The following OLFML3 variants were observed in gnomAD, a reference collection of about 807,000 sequenced individuals.
OLFML3 encodes the protein olfactomedin-like protein 3.
In OLFML3, 26 loss-of-function variants were observed where a neutral mutation model predicts 36.0. The observed-to-expected ratio is 0.72, with a 90% CI of 0.53 to 1.00. The LOEUF is 1.00. Among genes scored for constraint, OLFML3 ranks in the 50% least tolerant of loss-of-function variants. OLFML3 has a pLI of 0.00. For missense variants in OLFML3, 503 were observed against 519.4 expected, an observed-to-expected ratio of 0.97 and a Z score of 0.31; for synonymous variants, 184 against 201.2, an observed-to-expected ratio of 0.91 and a Z score of 0.72.
chr1:113,981,733 T>C lies in OLFML3; in HGVS notation c.1185T>C (p.Tyr395=). 6.2e-7 allele frequency: 1 copy of C among 1,613,850 alleles called. No homozygotes were observed. Among genetic ancestry groups the C allele is most frequent in the Non-Finnish European group, 8.5e-7 (1 of 1,179,954 alleles). Residue 395 remains tyrosine (Y), a synonymous_variant, in exon 3 of 3, where the codon TAT becomes TAC. Transcript: ENST00000320334. The part of the protein sequence containing the change: ...YAWDDGYQIV[Y]KLEMRKKEEE... ...GGGATGATGGCTACCAGATTGTCTA[T>C]AAGCTGGAGATGAGGAAGAAAGAGG...
In OLFML3 at chr1:113,982,079, A is replaced by G. The variant is rs1466246685; in HGVS notation, c.*310A>G. The G allele has an allele frequency of 5.1e-6, 2 of 392,502 alleles. No homozygotes were observed. Among genetic ancestry groups the G allele is most frequent in the Non-Finnish European group, 9.5e-6 (2 of 211,410 alleles). 24.3% of individuals were successfully genotyped at this position (392,502 alleles called of 1,614,324 possible). ...TCTAACCTTGTATGCGGGCAGGCCC[A>G]GGGAGCAGGCAGCAGTGTTCTTCCC... On this transcript the variant is annotated 3_prime_UTR_variant, in exon 3 of 3. Transcript: ENST00000320334.
rs376037375 is a variant in OLFML3, at chr1:113,980,458, G to A, written c.241G>A (p.Asp81Asn). The A allele has an allele frequency of 5.0e-6, 8 of 1,613,882 alleles. No homozygotes were observed. Among genetic ancestry groups the A allele is most frequent in the Admixed American group, 1.7e-5 (1 of 59,962 alleles). ...KEREALRTEA[D>N]TISGRVDRLE... ...GCGGGAGGCACTCAGAACTGAGGCC[G>A]ACACCATCTCCGGGAGAGTGGATCG... The change falls in exon 2 of 3, where the codon GAC becomes AAC. Residue 81 changes from aspartate to asparagine, a missense_variant. By Grantham distance (23) the Asp-to-Asn change is conservative. Coordinates refer to ENST00000320334, the MANE Select transcript of OLFML3 (RefSeq NM_020190.5).
At position 113,980,321 on chromosome 1, in the gene OLFML3, C is replaced by A. The variant is rs756492142; in HGVS notation, c.115-11C>A. On this transcript the variant is annotated splice_polypyrimidine_tract_variant and intron_variant, in intron 1 of 2. Transcript: ENST00000320334. ...CCCTGCAGCCTCCCTCCTGATCCCC[C>A]ATCCCTTCAGGAACGGCTGGCCCAG... is the stretch of plus-strand genomic sequence containing the variant. 6.5e-7 allele frequency: 1 copy of A among 1,539,634 alleles called. No homozygotes were observed. Among genetic ancestry groups the A allele is most frequent in the East Asian group, 2.3e-5 (1 of 44,180 alleles).
intron 1 of OLFML3, chr1:113,979,955 A>C: frequency 7.0e-7 from 1 of 1,431,170 alleles, no homozygotes; most frequent in Non-Finnish European, 9.2e-7. Flanking sequence ...GGAATCTATA[A>C]CTTCCTGTCT....
At chr1:113,979,975 G>A in intron 1 of OLFML3, 2 of 1,450,276 alleles carry the variant, frequency 1.4e-6, no homozygotes, top group East Asian at 2.5e-5. Flanking sequence ...TTTTTAACAG[G>A]TTGAGATCCG....
chr1:113,981,430 G>C lies in OLFML3; in HGVS notation c.882G>C (p.Arg294Ser). 6.2e-7 allele frequency: 1 copy of C among 1,613,208 alleles called. No homozygotes were observed. ...WAVYATREDDRHLCLAKLDPQ... is the reference protein window; with the variant it reads ...WAVYATREDDSHLCLAKLDPQ... ...TCTATGCCACCCGGGAGGATGACAG[G>C]CACTTGTGTCTGGCCAAGTTAGATC... Residue 294 changes from arginine to serine, a missense_variant, in exon 3 of 3, where the codon AGG becomes AGC. Transcript: ENST00000320334.
intron 1 of OLFML3, 195 bp downstream of exon 1, chr1:113,979,825 CT>C (rs1673339683): frequency 2.0e-6 from 2 of 990,300 alleles, no homozygotes; most frequent in Non-Finnish European, 2.9e-6. Flanking sequence ...AGCAAATCGA[CT>C]TTTGCGTTTT....
chr1:113,979,492 C>A lies in OLFML3; in HGVS notation c.-25C>A. 3 of 1,536,974 alleles carry A rather than the reference C, an allele frequency of 2.0e-6. No homozygotes were observed. Among genetic ancestry groups the A allele is most frequent in the Non-Finnish European group, 2.7e-6 (3 of 1,109,774 alleles). On this transcript the variant is annotated 5_prime_UTR_variant, in exon 1 of 3. Transcript: ENST00000320334. ...AGAGGCTGACTGTACGTTCCTTCTA[C>A]TCTGGCACCACTCTCCAGGCTGCCA...
At position 113,980,134 on chromosome 1, in the gene OLFML3, C is replaced by T. The variant is rs556462004; in HGVS notation, c.115-198C>T. 27 of 1,547,254 alleles carry T rather than the reference C, an allele frequency of 1.7e-5. No individual in the cohort carries two copies. The South Asian group carries it at 2.9e-4, about 16-fold the overall frequency. On this transcript the variant is annotated intron_variant, in intron 1 of 2. Transcript: ENST00000320334. ...GGAGGACATGGAGTCGGGGTAGGGG[C>T]CTAGGTGAATCTCAGCTAGGCTCTT...
At chr1:113,980,048 C>G (rs551770097) in intron 1 of OLFML3, 4 of 1,541,658 alleles carry the variant, frequency 2.6e-6, no homozygotes, top group East Asian at 4.9e-5. Context: ...CACCTTCATG[C>G]GCTTAGACCT....
At position 113,979,478 on chromosome 1, in the gene OLFML3, G is replaced by C. The variant is rs375578039; in HGVS notation, c.-39G>C. The C allele has an allele frequency of 4.1e-5, 59 of 1,444,842 alleles. No individual in the cohort carries two copies. Among genetic ancestry groups the C allele is most frequent in the Non-Finnish European group, 5.0e-5 (51 of 1,026,398 alleles). 89.5% of individuals were successfully genotyped at this position (1,444,842 alleles called of 1,614,324 possible). Reference sequence around the variant, plus strand: ...CGGGCTTGAGGGGAAGAGGCTGACTGTACGTTCCTTCTACTCTGGCACCAC... The same window carrying C: ...CGGGCTTGAGGGGAAGAGGCTGACTCTACGTTCCTTCTACTCTGGCACCAC... On this transcript the variant is annotated 5_prime_UTR_variant, in exon 1 of 3. Transcript: ENST00000320334.
rs377456012 is a variant in OLFML3, at chr1:113,981,578, C to T, written c.1030C>T (p.Arg344Cys). 14 of 1,613,978 alleles carry T rather than the reference C, an allele frequency of 8.7e-6. No individual in the cohort carries two copies. The highest frequency in any genetic ancestry group is 6.7e-5 in the Admixed American group (4 of 60,002). ...TAACACCCGTCCTGCCAGTCGGGCC[C>T]GCATCCAGTGCTCCTTTGATGCCAG... ...VYNTRPASRA[R>C]IQCSFDASGT... The change falls in exon 3 of 3, where the codon CGC (arginine) becomes TGC (cysteine). Residue 344 changes from arginine (R) to cysteine (C), a missense_variant. Arg to Cys is a radical substitution (Grantham distance 180, BLOSUM62 -3). Coordinates refer to ENST00000320334, the MANE Select transcript of OLFML3 (RefSeq NM_020190.5).
In OLFML3 at chr1:113,981,298, A is replaced by C; in HGVS notation, c.750A>C (p.Thr250=). 1.9e-6 allele frequency: 3 copies of C among 1,598,176 alleles called. No homozygotes were observed. Among genetic ancestry groups the C allele is most frequent in the Non-Finnish European group, 2.6e-6 (3 of 1,170,678 alleles). The change falls in exon 3 of 3, where the codon ACA becomes ACC. Residue 250 remains threonine, a synonymous_variant. Coordinates refer to ENST00000320334, the MANE Select transcript of OLFML3 (RefSeq NM_020190.5). ...TCAAATTCCACCTGGCAAACCGAAC[A>C]GTGGTGGACAGCTCAGTATTCCCAG... ...QLIKFHLANR[T]VVDSSVFPAE... is the part of the protein sequence containing the mutation.
At position 113,981,912 on chromosome 1, in the gene OLFML3, T is replaced by G; in HGVS notation, c.*143T>G. 7.0e-6 allele frequency: 5 copies of G among 716,268 alleles called. No homozygotes were observed. The highest frequency in any genetic ancestry group is 4.6e-6 in the Non-Finnish European group (2 of 435,250). The allele number at this position is 716,268 out of a possible 1,614,324, so 44.4% of individuals were successfully genotyped here. A position where few individuals can be genotyped will look rare whatever the true frequency, so the allele number is the denominator to read the frequency against. Reference sequence around the variant, plus strand: ...TTTTTAGCCAATGGCAATCAAATTCTTTCAGCTCCTTTGTTTCATACGGAA... The same window carrying G: ...TTTTTAGCCAATGGCAATCAAATTCGTTCAGCTCCTTTGTTTCATACGGAA... On this transcript the variant is annotated 3_prime_UTR_variant, in exon 3 of 3. Coordinates refer to ENST00000320334, the MANE Select transcript of OLFML3 (RefSeq NM_020190.5).
rs1198559530 is a variant in OLFML3, at chr1:113,979,635, G to A, written c.114+5G>A. 3.1e-6 allele frequency: 5 copies of A among 1,597,910 alleles called. No individual in the cohort carries two copies. The highest frequency in any genetic ancestry group is 1.1e-5 in the South Asian group (1 of 90,706). ...CGCCGACTAGCTGCTTTAGAGGTGA[G>A]GGACCCCTTTCTCTTCTAGCCCCGC... On this transcript the variant is annotated splice_donor_5th_base_variant and intron_variant, in intron 1 of 2. Transcript: ENST00000320334.
At position 113,980,442 on chromosome 1, in the gene OLFML3, A is replaced by G. The variant is rs372892619; in HGVS notation, c.225A>G (p.Ala75=). 156 of 1,613,750 alleles carry G rather than the reference A, an allele frequency of 9.7e-5. 1 individual carries two copies. The highest frequency in any genetic ancestry group is 1.3e-4 in the Non-Finnish European group (154 of 1,179,904). ...LLEVAEKERE[A]LRTEADTISG... is the part of the protein sequence containing the mutation. ...AGGTGGCAGAGAAGGAGCGGGAGGCACTCAGAACTGAGGCCGACACCATCT... is the reference window on the plus strand; with the variant it reads ...AGGTGGCAGAGAAGGAGCGGGAGGCGCTCAGAACTGAGGCCGACACCATCT... Residue 75 remains alanine (A), a synonymous_variant, in exon 2 of 3, where the codon GCA becomes GCG. Transcript: ENST00000320334.
chr1:113,979,629 A>C lies in OLFML3; in HGVS notation c.113A>C (p.Glu38Ala), dbSNP rs770011325. 2 of 1,605,748 alleles carry C rather than the reference A, an allele frequency of 1.2e-6. No individual in the cohort carries two copies. The highest frequency in any genetic ancestry group is 4.5e-5 in the East Asian group (2 of 44,846). The change falls in exon 1 of 3, where the codon GAG becomes GCG. Residue 38 changes from glutamate to alanine, a missense_variant and splice_region_variant. Coordinates refer to ENST00000320334, the MANE Select transcript of OLFML3 (RefSeq NM_020190.5). ...EYMERRLAALEERLAQCQDQS... is the reference protein window; with the variant it reads ...EYMERRLAALAERLAQCQDQS... The stretch of plus-strand genomic sequence containing the variant: ...ATGGAACGCCGACTAGCTGCTTTAG[A>C]GGTGAGGGACCCCTTTCTCTTCTAG...
rs1245486647 is a variant in OLFML3 at position 113,981,801 on chromosome 1, C to G, written c.*32C>G. On this transcript the variant is annotated 3_prime_UTR_variant, in exon 3 of 3. Transcript: ENST00000320334. ...AGCCTTGTTTTTTGCATCTTTCTCA[C>G]TCCCATACATTTATATTATATCCCC... 3.9e-6 allele frequency: 6 copies of G among 1,553,946 alleles called. No homozygotes were observed. Among genetic ancestry groups the G allele is most frequent in the Non-Finnish European group, 2.6e-6 (3 of 1,136,716 alleles).
chr1:113,981,686 CGA>C lies in OLFML3; in HGVS notation c.1141_1142del (p.Glu381ThrfsTer8), dbSNP rs1558160558. 14 of 1,614,054 alleles carry C rather than the reference CGA, an allele frequency of 8.7e-6. No individual in the cohort carries two copies. The highest frequency in any genetic ancestry group is 1.1e-5 in the Non-Finnish European group (13 of 1,180,000). On this transcript the variant is annotated frameshift_variant, in exon 3 of 3. Transcript: ENST00000320334. LOFTEE classifies it high-confidence loss of function. ...CCATGCCAGCCTCCGCTATAACCCCCGAGAACGCCAGCTCTATGCCTGGGATG... is the reference window on the plus strand; with the variant it reads ...CCATGCCAGCCTCCGCTATAACCCCCGAACGCCAGCTCTATGCCTGGGATG... ...GAHASLRYNP[R>X]ERQLYAWDDG... is the part of the protein sequence containing the mutation.
Sources: gnomAD v4.1 joint callset for allele counts on GRCh38, gnomAD v4.1.1 for gene constraint, MANE v1.5 for transcripts, NCBI Gene and HGNC (gene_info 2026-07-23, HGNC 2026-07-21) for gene names.